TMC1: variants seen among roughly 807,000 people sequenced by gnomAD.
TMC1 encodes transmembrane channel like 1.
TMC1 carries 84 observed loss-of-function variants against 105.8 expected under a neutral mutation model. The ratio of observed to expected loss-of-function variants is 0.79; its 90% confidence interval spans 0.67 to 0.95. The LOEUF (loss-of-function observed/expected upper bound fraction) is 0.95. Ranked by LOEUF, TMC1 falls within the 40% of genes least tolerant of loss-of-function variation. The pLI, the probability that TMC1 is intolerant of heterozygous loss-of-function variation, is 0.00. For synonymous variants in TMC1, 315 were observed against 311.5 expected (o/e 1.01, Z -0.12); for missense variants, 817 against 914.1 (o/e 0.89, Z 1.37).
At chr9:72,722,373 A>T (rs777655470) in intron 8 of TMC1, among the ~76,000 whole-genome samples, 1 of 152,118 alleles carries the variant, frequency 6.6e-6, no homozygotes. Flanking sequence ...TTATCACTTT[A>T]TTCTGGTATC....
At chr9:72,527,528 C>G (rs1823426290) in intron 1 of TMC1, among the ~76,000 whole-genome samples, 1 of 152,112 alleles carries the variant, frequency 6.6e-6, no homozygotes, top group Non-Finnish European at 1.5e-5. Flanking sequence ...TTCCTCTGCC[C>G]TCCTCCCTTG....
In TMC1 at chr9:72,619,543, G is replaced by A. The variant is rs180866857; in HGVS notation, c.-196+3066G>A. Reference sequence around the variant, plus strand: ...AAATGTGAATAGTTGCTATATCTGTGTGGCAGGATTACAGGTGGTTGTATT... The same window carrying A: ...AAATGTGAATAGTTGCTATATCTGTATGGCAGGATTACAGGTGGTTGTATT... On this transcript the variant is annotated intron_variant, in intron 3 of 23. Coordinates refer to ENST00000297784, the MANE Select transcript of TMC1 (RefSeq NM_138691.3). Among the ~76,000 whole-genome samples the A allele has an allele frequency of 1.3e-3, 201 of 152,150 alleles. 1 individual carries two copies. Among genetic ancestry groups the A allele is most frequent in the Admixed American group, 1.6e-3 (24 of 15,256 alleles).
chr9:72,596,092 G>A (rs1824715286), intron 2 of TMC1, among the ~76,000 whole-genome samples: 1 of 151,854 alleles, frequency 6.6e-6, no homozygotes. Context: ...GACCAGGCTG[G>A]TCTTGAACTC....
At chr9:72,616,797 C>T (rs1421357701) in intron 3 of TMC1, among the ~76,000 whole-genome samples, 6 of 151,840 alleles carry the variant, frequency 4.0e-5, no homozygotes. Context: ...GAACCTGCTC[C>T]CACCCACTGC....
chr9:72,814,896 TTGTGTGTGTGTGTGTGTG>T (rs57564294), intron 18 of TMC1, among the ~76,000 whole-genome samples: 33 of 119,234 alleles, frequency 2.8e-4, no homozygotes, highest in East Asian at 1.9e-3. Flanking sequence ...TGGATCATCT[TTGTGTGTGTGTGTGTGTG>T]TGTGTGTGTG....
intron 5 of TMC1, among the ~76,000 whole-genome samples, chr9:72,681,789 T>C (rs1031027067): frequency 6.6e-6 from 1 of 152,222 alleles, no homozygotes; most frequent in Non-Finnish European, 1.5e-5. Flanking sequence ...TCTTTCTGTT[T>C]GCCTCAGAGT....
intron 4 of TMC1, among the ~76,000 whole-genome samples, chr9:72,646,894 C>A (rs975830987): frequency 2.9e-4 from 44 of 152,006 alleles, no homozygotes; most frequent in African/African-American, 1.1e-3. Context: ...CCTGTAATCC[C>A]ACTCTGGGAG....
At position 72,582,201 on chromosome 9, in the gene TMC1, C is replaced by T. The variant is rs186083929; in HGVS notation, c.-306+4178C>T. ...CTAATTCCCGACCTCAGGTGATCCA[C>T]CCGCCTCAGTCTCCCAAAGTGCTGG... On this transcript the variant is annotated intron_variant, in intron 2 of 23. Transcript: ENST00000297784. Among the ~76,000 whole-genome samples the T allele has an allele frequency of 1.4e-4, 21 of 152,338 alleles. No homozygotes were observed. The East Asian group carries it at 4.1e-3, about 29-fold the overall frequency.
chr9:72,715,469 G>A (rs1826901163), intron 8 of TMC1, among the ~76,000 whole-genome samples: 3 of 151,790 alleles, frequency 2.0e-5, no homozygotes, highest in African/African-American at 7.3e-5. Context: ...TCTTTTCACT[G>A]TTTTTTATCT....
At chr9:72,793,069 C>G (rs540139884) in intron 17 of TMC1, among the ~76,000 whole-genome samples, 3 of 152,192 alleles carry the variant, frequency 2.0e-5, no homozygotes, top group Non-Finnish European at 4.4e-5. Context: ...CATGAACCCA[C>G]TCCACCTGGG....
chr9:72,732,927 C>G (rs1394620693), intron 8 of TMC1, among the ~76,000 whole-genome samples: 1 of 152,146 alleles, frequency 6.6e-6, no homozygotes, highest in East Asian at 1.9e-4. Context: ...TGCTTTAGCT[C>G]TTGCTGCCGT....
chr9:72,704,277 G>C (rs1194572000), intron 8 of TMC1, among the ~76,000 whole-genome samples: 1 of 152,162 alleles, frequency 6.6e-6, no homozygotes, highest in East Asian at 1.9e-4. Context: ...TCACAGCTTT[G>C]AATCTGTGCC....
At chr9:72,577,121 T>C (rs1824395362) in intron 1 of TMC1, among the ~76,000 whole-genome samples, 1 of 152,200 alleles carries the variant, frequency 6.6e-6, no homozygotes, top group South Asian at 2.1e-4. Flanking sequence ...AGCTATTGTT[T>C]CAAGTCAAAT....
chr9:72,590,052 C>T (rs748805676), intron 2 of TMC1, among the ~76,000 whole-genome samples: 3 of 152,194 alleles, frequency 2.0e-5, no homozygotes, highest in Non-Finnish European at 4.4e-5. Flanking sequence ...TGCCTCTCCT[C>T]CTTGTCCCCA....
intron 5 of TMC1, among the ~76,000 whole-genome samples, chr9:72,676,206 G>A (rs1357072868): frequency 1.3e-5 from 2 of 152,162 alleles, no homozygotes; most frequent in Non-Finnish European, 2.9e-5. Context: ...TACCAATTTA[G>A]GGTAATATTT....
rs559033815 is a variant in TMC1, at chr9:72,738,574, C to A, written c.363-1545C>A. ...CTGGGACTACAGGTACACACCACCA[C>A]GCCTGGTCGATTTTTGTATTTTTAG... On this transcript the variant is annotated intron_variant, in intron 8 of 23. Transcript: ENST00000297784. Among the ~76,000 whole-genome samples, 8 of 152,164 alleles carry A rather than the reference C, an allele frequency of 5.3e-5. No homozygotes were observed. In the South Asian group the frequency reaches 1.7e-3, roughly 32 times the overall value.
chr9:72,779,688 T>C (rs1828060965), intron 13 of TMC1, among the ~76,000 whole-genome samples: 2 of 152,124 alleles, frequency 1.3e-5, no homozygotes, highest in Non-Finnish European at 2.9e-5. Context: ...GTTCTTCAAA[T>C]TGACTCAGTC....
intron 1 of TMC1, among the ~76,000 whole-genome samples, chr9:72,552,944 G>A (rs573290283): frequency 2.0e-5 from 3 of 151,940 alleles, no homozygotes; most frequent in Middle Eastern, 3.4e-3. Flanking sequence ...TCAGAATTAC[G>A]AAGAATGTGC....
intron 2 of TMC1, among the ~76,000 whole-genome samples, chr9:72,583,026 GC>G (rs1430231643): frequency 1.3e-5 from 2 of 152,122 alleles, no homozygotes; most frequent in African/African-American, 4.8e-5. Flanking sequence ...TTTGAGACCA[GC>G]CTGGCCAACA....
Sources: gnomAD v4.1 joint callset for allele counts (sites outside exome capture counted in the v4.1 genomes callset) on GRCh38, gnomAD v4.1.1 for gene constraint, MANE v1.5 for transcripts, NCBI Gene and HGNC (gene_info 2026-07-23, HGNC 2026-07-21) for gene names.